The following PRKD3 variants were observed in gnomAD, a reference collection of about 807,000 sequenced individuals.
PRKD3 encodes serine/threonine-protein kinase D3.
A neutral mutation model predicts 99.2 loss-of-function variants in PRKD3; 47 were observed. The observed-to-expected ratio is 0.47, with a 90% CI of 0.38 to 0.60. The LOEUF (loss-of-function observed/expected upper bound fraction) is 0.60. PRKD3 is among the 20% of genes least tolerant of loss of function. The pLI is 0.00. For missense variants in PRKD3, 1,019 were observed against 1,088.4 expected (o/e 0.94, Z 0.90); for synonymous variants, 392 against 355.4 (o/e 1.10, Z -1.16).
intron 6 of PRKD3, among the ~76,000 whole-genome samples, chr2:37,283,900 CAA>C (rs397872003): frequency 1.2e-4 from 11 of 89,648 alleles, no homozygotes; most frequent in Admixed American, 1.1e-4. Context: ...GACTCTGTCT[CAA>C]AAAAAAAAAA....
chr2:37,316,324 G>A lies in PRKD3; in HGVS notation c.201C>T (p.Gly67=). ...VHTVSFLLQI[G]LTRESVTIEA... ...CAATGGTAACACTCTCCCGTGTGAG[G>A]CCAATTTGCAGTAGAAATGAAACTG... The change falls in exon 2 of 19, where the codon GGC becomes GGT. Residue 67 remains glycine (G), a synonymous_variant. Coordinates refer to ENST00000234179, the MANE Select transcript of PRKD3 (RefSeq NM_005813.6). 6.2e-7 allele frequency: 1 copy of A among 1,614,218 alleles called. No homozygotes were observed. The highest frequency in any genetic ancestry group is 8.5e-7 in the Non-Finnish European group (1 of 1,180,030).
Position 37,259,611 on chromosome 2 carries a change from A to G in PRKD3, c.2117T>C (p.Leu706Pro). ...VHCDLKPENV[L>P]LASAEPFPQV... is the part of the protein sequence containing the mutation. ...AGGAAATGGCTCTGCTGATGCAAGC[A>G]GCACATTTTCTGGCTTTAAATCACA... is the stretch of plus-strand genomic sequence containing the variant. Residue 706 changes from leucine to proline, a missense_variant, in exon 16 of 19, where the codon CTG becomes CCG. This residue lies in a region of PRKD3 where 184 missense variants were observed against 275.1 expected (regional missense o/e 0.67). Transcript: ENST00000234179. The G allele has an allele frequency of 6.2e-7, 1 of 1,613,440 alleles. No individual in the cohort carries two copies.
intron 14 of PRKD3, 139 bp from the exon 15 acceptor site, chr2:37,260,523 A>C (rs926124165): frequency 2.0e-5 from 16 of 801,212 alleles, no homozygotes; most frequent in Non-Finnish European, 3.0e-5. Flanking sequence ...TAAAAATTAC[A>C]ATCAATGAAA....
rs369069731 is a variant in PRKD3, at chr2:37,260,388, A to C, written c.1885-4T>G. ...CAATCCCAGGATGGTGCAAATTCTG[A>C]AGAGAGGTTGCAAGATACATGAGCA... On this transcript the variant is annotated splice_polypyrimidine_tract_variant and splice_region_variant and intron_variant, in intron 14 of 18. Transcript: ENST00000234179. The C allele has an allele frequency of 1.2e-6, 2 of 1,608,160 alleles. No homozygotes were observed. Among genetic ancestry groups the C allele is most frequent in the Non-Finnish European group, 1.7e-6 (2 of 1,174,852 alleles).
At chr2:37,293,381 T>C (rs1474888078) in intron 2 of PRKD3, 110 bp from the exon 3 acceptor site, 1 of 1,068,816 alleles carries the variant, frequency 9.4e-7, no homozygotes, top group Non-Finnish European at 1.3e-6. Flanking sequence ...CCTAACACTA[T>C]TTGCTAACAA....
chr2:37,299,863 T>C (rs370888007), intron 2 of PRKD3, among the ~76,000 whole-genome samples: 11 of 152,252 alleles, frequency 7.2e-5, no homozygotes, highest in East Asian at 3.9e-4. Context: ...AAATGGCTTT[T>C]ATCAAAAAGA....
intron 1 of PRKD3, among the ~76,000 whole-genome samples, chr2:37,319,021 G>GA (rs1418463046): frequency 6.6e-6 from 1 of 152,010 alleles, no homozygotes; most frequent in African/African-American, 2.4e-5. Flanking sequence ...TTCTTAGCTG[G>GA]AAAAAAATAA....
intron 3 of PRKD3, among the ~76,000 whole-genome samples, chr2:37,292,834 G>A (rs1008763554): frequency 6.6e-6 from 1 of 150,742 alleles, no homozygotes; most frequent in African/African-American, 2.4e-5. Flanking sequence ...TAAATTTTTA[G>A]TAGAGACGAG....
intron 2 of PRKD3, among the ~76,000 whole-genome samples, chr2:37,296,359 A>G (rs1466596714): frequency 1.3e-5 from 2 of 152,222 alleles, no homozygotes; most frequent in Non-Finnish European, 2.9e-5. Flanking sequence ...AAAAGCTTGT[A>G]AAGAAATTAC....
intron 12 of PRKD3, 71 bp downstream of exon 12, chr2:37,272,309 T>C (rs1669318444): frequency 6.4e-7 from 1 of 1,568,814 alleles, no homozygotes; most frequent in African/African-American, 1.4e-5. Context: ...ATTTCTCTAA[T>C]AAAGATTTTC....
chr2:37,314,151 T>C (rs544928320), intron 2 of PRKD3, among the ~76,000 whole-genome samples: 104 of 152,228 alleles, frequency 6.8e-4, no homozygotes, highest in African/African-American at 1.9e-3. Context: ...AATAAAGATA[T>C]AGAAGATTTG....
rs538039018 is a variant in PRKD3 at position 37,323,004 on chromosome 2, G to A, written c.-656+1677C>T. ...AAAATGAGAACAAAATGTCCCTTAA[G>A]AAAACTGCACTTAAATGACCACCTA... On this transcript the variant is annotated intron_variant, in intron 1 of 18. Transcript: ENST00000234179. Among the ~76,000 whole-genome samples the A allele has an allele frequency of 6.6e-5, 10 of 151,980 alleles. No individual in the cohort carries two copies. The South Asian group carries it at 2.1e-3, about 32-fold the overall frequency.
At chr2:37,296,228 G>A (rs1369864923) in intron 2 of PRKD3, among the ~76,000 whole-genome samples, 1 of 151,988 alleles carries the variant, frequency 6.6e-6, no homozygotes, top group East Asian at 1.9e-4. Flanking sequence ...AACACACCAA[G>A]AGAAGGAAAA....
chr2:37,311,295 C>T (rs1446853820), intron 2 of PRKD3, among the ~76,000 whole-genome samples: 1 of 152,150 alleles, frequency 6.6e-6, no homozygotes, highest in Non-Finnish European at 1.5e-5. Context: ...CTTCCTGAGT[C>T]ATTTTATCAT....
chr2:37,274,249 T>C (rs1320298756), intron 11 of PRKD3, among the ~76,000 whole-genome samples, 172 bp downstream of exon 11: 3 of 152,256 alleles, frequency 2.0e-5, no homozygotes, highest in East Asian at 1.9e-4. Context: ...ATATATACTA[T>C]AACCAATATA....
chr2:37,324,108 C>G lies in PRKD3; in HGVS notation c.-656+573G>C, dbSNP rs529351958. The G allele has an allele frequency of 1.1e-4, 99 of 916,146 alleles. 1 individual carries two copies. In the Middle Eastern group the frequency reaches 1.7e-3, roughly 16 times the overall value. The allele number at this position is 916,146 out of a possible 1,614,324, so 56.8% of individuals were successfully genotyped here. ...TTAAGGAAAACCTCCCAGGAGGGAGCAACTCGGAACAATGCTGCAACTAGC... is the reference window on the plus strand; with the variant it reads ...TTAAGGAAAACCTCCCAGGAGGGAGGAACTCGGAACAATGCTGCAACTAGC... On this transcript the variant is annotated intron_variant, in intron 1 of 18. Transcript: ENST00000234179.
At chr2:37,306,165 A>C (rs1354817163) in intron 2 of PRKD3, among the ~76,000 whole-genome samples, 1 of 151,640 alleles carries the variant, frequency 6.6e-6, no homozygotes, top group East Asian at 1.9e-4. Context: ...AAGATGGGCG[A>C]GGCTTCTGGC....
intron 16 of PRKD3, among the ~76,000 whole-genome samples, chr2:37,257,666 C>CAAAAAAA (rs1491483662): frequency 4.8e-5 from 3 of 62,432 alleles, no homozygotes; most frequent in East Asian, 1.6e-3. Flanking sequence ...GACTCTGTCT[C>CAAAAAAA]AAAAGAAAAA....
chr2:37,265,665 T>C lies in PRKD3; in HGVS notation c.1884+1765A>G, dbSNP rs1668789389. On this transcript the variant is annotated intron_variant, in intron 14 of 18. Coordinates refer to ENST00000234179, the MANE Select transcript of PRKD3 (RefSeq NM_005813.6). ...TGCTGACACCACAAGGAAAGCCAAA[T>C]ATAAAAGTATAAATATCTGACATAA... Among the ~76,000 whole-genome samples the C allele has an allele frequency of 2.0e-5, 3 of 152,088 alleles. No homozygotes were observed. The South Asian group carries it at 6.2e-4, about 31-fold the overall frequency.
Sources: gnomAD v4.1 joint callset for allele counts (sites outside exome capture counted in the v4.1 genomes callset) on GRCh38, gnomAD v4.1.1 for gene constraint, gnomAD v4.1.1 regional missense constraint, MANE v1.5 for transcripts, NCBI Gene and HGNC (gene_info 2026-07-23, HGNC 2026-07-21) for gene names.